ANKRD28: variants seen among roughly 807,000 people sequenced by gnomAD.
ANKRD28 encodes the protein serine/threonine-protein phosphatase 6 regulatory ankyrin repeat subunit A.
A neutral mutation model predicts 126.5 loss-of-function variants in ANKRD28; 44 were observed. The observed-to-expected ratio is 0.35, with a 90% CI of 0.27 to 0.45. The LOEUF (loss-of-function observed/expected upper bound fraction) is 0.45, where lower values mean the gene tolerates loss of function less well. Among genes scored for constraint, ANKRD28 ranks in the 20% least tolerant of loss-of-function variants. The probability of loss-of-function intolerance (pLI) is 1.00; values close to 1 mark genes in which losing one functional copy is unlikely to be tolerated. For synonymous variants in ANKRD28, 442 were observed against 468.5 expected (o/e 0.94, Z 0.73); for missense variants, 1,110 against 1,316.6 (o/e 0.84, Z 2.43).
chr3:15,742,801 G>A (rs1244380741), intron 4 of ANKRD28, among the ~76,000 whole-genome samples: 2 of 144,514 alleles, frequency 1.4e-5, no homozygotes, highest in African/African-American at 5.2e-5. Flanking sequence ...GGAGGTGAGG[G>A]GCGCCTCTGC....
chr3:15,680,698 C>T (rs948721809), intron 21 of ANKRD28, among the ~76,000 whole-genome samples: 1 of 152,020 alleles, frequency 6.6e-6, no homozygotes, highest in Non-Finnish European at 1.5e-5. Flanking sequence ...CAGGGTCTTG[C>T]TCTGTTGCCC....
intron 4 of ANKRD28, among the ~76,000 whole-genome samples, chr3:15,742,789 C>T (rs1387975118): frequency 9.9e-5 from 14 of 141,134 alleles, no homozygotes; most frequent in Non-Finnish European, 1.9e-4. Context: ...CCACCCGGTC[C>T]GGGAGGTGAG....
chr3:15,771,180 C>T (rs377648991), intron 2 of ANKRD28, among the ~76,000 whole-genome samples: 2 of 151,992 alleles, frequency 1.3e-5, no homozygotes, highest in South Asian at 4.2e-4. Context: ...GAAGCCCAGG[C>T]GGGCGGATCA....
In ANKRD28 at chr3:15,667,829, A is replaced by C. The variant is rs1481155422; in HGVS notation, c.*2441T>G. 6.6e-6 allele frequency: 1 copy of C among 152,256 alleles called. No homozygotes were observed. Among genetic ancestry groups the C allele is most frequent in the Non-Finnish European group, 1.5e-5 (1 of 68,052 alleles). The allele number at this position is 152,256 out of a possible 1,614,324, so 9.4% of individuals were successfully genotyped here. ...AGCATCATTTACATATAAGTGATGC[A>C]GGATAGAAGTTCTGGTGTATGTGAT... On this transcript the variant is annotated 3_prime_UTR_variant, in exon 28 of 28. Transcript: ENST00000683139.
At chr3:15,842,393 G>A (rs975474170) in intron 1 of ANKRD28, among the ~76,000 whole-genome samples, 1 of 151,958 alleles carries the variant, frequency 6.6e-6, no homozygotes, top group African/African-American at 2.4e-5. Context: ...AAGGATGGTT[G>A]GGAAGACCAT....
Position 15,797,109 on chromosome 3 carries a change from A to G in ANKRD28, c.-588T>C. The stretch of plus-strand genomic sequence containing the variant: ...TCATCACTGGTTTAATGCAGATACT[A>G]TTCACAGAAAAAAGATCTAGAGCTC... On this transcript the variant is annotated 5_prime_UTR_variant, in exon 1 of 28. Transcript: ENST00000683139. The G allele has an allele frequency of 1.0e-6, 1 of 984,420 alleles. No homozygotes were observed. Among genetic ancestry groups the G allele is most frequent in the Non-Finnish European group, 1.2e-6 (1 of 829,622 alleles). The allele number at this position is 984,420 out of a possible 1,614,324, so 61.0% of individuals were successfully genotyped here.
At chr3:15,719,725 T>A (rs1361712454) in intron 8 of ANKRD28, among the ~76,000 whole-genome samples, 2 of 149,930 alleles carry the variant, frequency 1.3e-5, no homozygotes, top group Admixed American at 6.7e-5. Context: ...AATTTTTAAT[T>A]TTTTTTTTGG....
At chr3:15,721,184 G>A in intron 7 of ANKRD28, 57 bp from the exon 8 acceptor site, 1 of 1,493,824 alleles carries the variant, frequency 6.7e-7, no homozygotes, top group Non-Finnish European at 9.2e-7. Flanking sequence ...TATCAATGTT[G>A]TGAGCTATTT....
intron 14 of ANKRD28, among the ~76,000 whole-genome samples, chr3:15,706,008 A>C (rs765558167): frequency 1.3e-5 from 2 of 150,490 alleles, no homozygotes; most frequent in Non-Finnish European, 3.0e-5. Flanking sequence ...CTCAAAACGA[A>C]ACAAAACAAC....
At position 15,797,212 on chromosome 3, in the gene ANKRD28, A is replaced by C. The variant is rs551699855; in HGVS notation, c.-691T>G. Reference sequence around the variant, plus strand: ...GGAAAGGGGCAAAAAACAAAAACAAAAAAAAAAAAACCACTCTGCATTAAT... The same window carrying C: ...GGAAAGGGGCAAAAAACAAAAACAACAAAAAAAAAACCACTCTGCATTAAT... On this transcript the variant is annotated 5_prime_UTR_variant, in exon 1 of 28. Transcript: ENST00000683139. The C allele has an allele frequency of 3.2e-5, 31 of 978,766 alleles. No individual in the cohort carries two copies. The highest frequency in any genetic ancestry group is 1.9e-4 in the African/African-American group (11 of 56,482). The allele number at this position is 978,766 out of a possible 1,614,324, so 60.6% of individuals were successfully genotyped here.
chr3:15,819,231 G>A (rs916975731), intron 1 of ANKRD28, among the ~76,000 whole-genome samples: 9 of 152,140 alleles, frequency 5.9e-5, no homozygotes, highest in African/African-American at 1.7e-4. Context: ...TGAGCTGAGA[G>A]CATGTCACTG....
At chr3:15,686,480 A>C (rs2068143745) in intron 18 of ANKRD28, 171 bp from the exon 19 acceptor site, 3 of 616,364 alleles carry the variant, frequency 4.9e-6, no homozygotes, top group Non-Finnish European at 8.5e-6. Context: ...TTGACTGTTA[A>C]AGCTGGAATA....
At chr3:15,701,381 A>G (rs1277387688) in intron 14 of ANKRD28, among the ~76,000 whole-genome samples, 1 of 152,222 alleles carries the variant, frequency 6.6e-6, no homozygotes, top group Non-Finnish European at 1.5e-5. Flanking sequence ...GCAGTGGCTC[A>G]TGCCTGTAAT....
In ANKRD28 at chr3:15,679,599, A is replaced by G. The variant is rs184411314; in HGVS notation, c.2390-36T>C. On this transcript the variant is annotated intron_variant, in intron 21 of 27. Transcript: ENST00000683139. ...GTAAAGAACCAGGTATTAAAATTCA[A>G]AGGAGATACTGGCAAAAATCACAGG... is the stretch of plus-strand genomic sequence containing the variant. The G allele has an allele frequency of 1.4e-3, 2,149 of 1,541,160 alleles. 17 individuals carry two copies. Among genetic ancestry groups the G allele is most frequent in the Non-Finnish European group, 3.7e-4 (413 of 1,127,378 alleles).
intron 2 of ANKRD28, 118 bp from the exon 3 acceptor site, chr3:15,766,430 A>G (rs1438320873): frequency 1.4e-6 from 1 of 693,516 alleles, no homozygotes; most frequent in Non-Finnish European, 2.5e-6. Flanking sequence ...CTATCAACTT[A>G]TTACTTCTAT....
In ANKRD28 at chr3:15,762,201, AAAAAAAAAAAAACAAAAC is replaced by A. The variant is rs1169349557; in HGVS notation, c.280+4015_280+4032del. On this transcript the variant is annotated intron_variant, in intron 3 of 27. Coordinates refer to ENST00000683139, the MANE Select transcript of ANKRD28 (RefSeq NM_001349278.2). The stretch of plus-strand genomic sequence containing the variant: ...AGACTATGTCTTTAAAAAAAAAAAA[AAAAAAAAAAAAACAAAAC>A]AAAAAAAAAAAAACTCTCCTGGTTC... Among the ~76,000 whole-genome samples the A allele has an allele frequency of 2.2e-4, 7 of 31,496 alleles. 1 individual carries two copies. Among genetic ancestry groups the A allele is most frequent in the African/African-American group, 4.4e-4 (7 of 16,018 alleles). 20.7% of individuals were successfully genotyped at this position (31,496 alleles called of 152,430 possible).
At chr3:15,726,183 G>A (rs577229189) in intron 6 of ANKRD28, among the ~76,000 whole-genome samples, 3 of 152,290 alleles carry the variant, frequency 2.0e-5, no homozygotes, top group Non-Finnish European at 4.4e-5. Context: ...CAGCCCCTAA[G>A]TGTTCAAGTG....
chr3:15,809,401 A>C (rs2060660302), intron 1 of ANKRD28, among the ~76,000 whole-genome samples: 1 of 152,176 alleles, frequency 6.6e-6, no homozygotes, highest in African/African-American at 2.4e-5. Flanking sequence ...TCTGGTCCTG[A>C]GACATACAAG....
chr3:15,700,167 T>C (rs1322562072), intron 14 of ANKRD28, among the ~76,000 whole-genome samples: 2 of 152,134 alleles, frequency 1.3e-5, no homozygotes, highest in African/African-American at 2.4e-5. Context: ...TTCTCACTCA[T>C]ACGTGGGAGC....
Sources: gnomAD v4.1 joint callset for allele counts (sites outside exome capture counted in the v4.1 genomes callset) on GRCh38, gnomAD v4.1.1 for gene constraint, MANE v1.5 for transcripts, NCBI Gene and HGNC (gene_info 2026-07-23, HGNC 2026-07-21) for gene names.